Variants in BTBD8 observed in about 807,000 individuals in gnomAD.
BTBD8 encodes the protein BTB/POZ domain-containing protein 8.
A neutral mutation model predicts 162.9 loss-of-function variants in BTBD8; 110 were observed. The ratio of observed to expected loss-of-function variants is 0.68; its 90% CI spans 0.58 to 0.79. The LOEUF (loss-of-function observed/expected upper bound fraction) is 0.79. Among genes scored for constraint, BTBD8 ranks in the 30% least tolerant of loss-of-function variants. BTBD8 has a pLI of 0.00. For synonymous variants in BTBD8, 667 were observed against 716.1 expected, an observed-to-expected ratio of 0.93 and a Z score of 1.10; for missense variants, 1,905 against 2,085.4, an observed-to-expected ratio of 0.91 and a Z score of 1.68.
At chr1:92,148,492 T>C (rs1649977822) in intron 9 of BTBD8, among the ~76,000 whole-genome samples, 1 of 152,216 alleles carries the variant, frequency 6.6e-6, no homozygotes, top group Non-Finnish European at 1.5e-5. Flanking sequence ...TCAGTTACAG[T>C]GCCAACTAGG....
At position 92,171,327 on chromosome 1, in the gene BTBD8, T is replaced by C. The variant is rs1008051390; in HGVS notation, c.1574-72T>C. The stretch of plus-strand genomic sequence containing the variant: ...AAATATAACCTTTTTTCTACTGACA[T>C]ACTATTTTTCCTTTACTTCTAAGGT... On this transcript the variant is annotated intron_variant, in intron 12 of 17. Coordinates refer to ENST00000636805, the MANE Select transcript of BTBD8 (RefSeq NM_001376131.1). 4.5e-6 allele frequency: 5 copies of C among 1,117,328 alleles called. No homozygotes were observed. The East Asian group carries it at 1.1e-4, about 24-fold the overall frequency. 69.2% of individuals were successfully genotyped at this position (1,117,328 alleles called of 1,614,324 possible). A position where few individuals can be genotyped will look rare whatever the true frequency, so the allele number is the denominator to read the frequency against.
chr1:92,156,732 G>A (rs1650165031), intron 9 of BTBD8, among the ~76,000 whole-genome samples: 1 of 151,922 alleles, frequency 6.6e-6, no homozygotes, highest in Non-Finnish European at 1.5e-5. Context: ...GCTTGTAATT[G>A]TTTATAACAG....
intron 2 of BTBD8, among the ~76,000 whole-genome samples, chr1:92,089,378 G>A (rs894005979): frequency 1.3e-5 from 2 of 152,186 alleles, no homozygotes; most frequent in African/African-American, 2.4e-5. Flanking sequence ...CCGTTGCTAC[G>A]TACTCACTCT....
At chr1:92,112,880 T>C (rs975363721) in intron 4 of BTBD8, among the ~76,000 whole-genome samples, 3 of 152,192 alleles carry the variant, frequency 2.0e-5, no homozygotes, top group Non-Finnish European at 4.4e-5. Flanking sequence ...ATAAATACAT[T>C]CTTAGAGCAA....
At chr1:92,182,767 G>A (rs1255823565) in intron 17 of BTBD8, among the ~76,000 whole-genome samples, 172 bp downstream of exon 17, 1 of 151,854 alleles carries the variant, frequency 6.6e-6, no homozygotes, top group East Asian at 1.9e-4. Context: ...ATTCTTTATT[G>A]TTCACTTAAA....
chr1:92,131,103 C>T (rs1649504879), intron 5 of BTBD8, among the ~76,000 whole-genome samples: 1 of 152,136 alleles, frequency 6.6e-6, no homozygotes, highest in Non-Finnish European at 1.5e-5. Flanking sequence ...AAATCACTGA[C>T]CTTGCCAGAA....
intron 3 of BTBD8, among the ~76,000 whole-genome samples, chr1:92,103,125 T>G (rs1026480444): frequency 6.6e-6 from 1 of 152,204 alleles, no homozygotes; most frequent in African/African-American, 2.4e-5. Context: ...TATTGCAAAT[T>G]GATGGAATGA....
At chr1:92,156,250 T>C (rs143446171) in intron 9 of BTBD8, among the ~76,000 whole-genome samples, 1 of 152,330 alleles carries the variant, frequency 6.6e-6, no homozygotes, top group Non-Finnish European at 1.5e-5. Context: ...TAAATCATCC[T>C]TGTATCCTAG....
At position 92,147,683 on chromosome 1, in the gene BTBD8, G is replaced by C. The variant is rs1278864069; in HGVS notation, c.1020-1G>C. 8 of 1,598,078 alleles carry C rather than the reference G, an allele frequency of 5.0e-6. No homozygotes were observed. The highest frequency in any genetic ancestry group is 2.3e-5 in the South Asian group (2 of 87,652). ...AACGTGGTATTCTTTTATTTTAACA[G>C]GTGGATTGTAAAGCATTTTGCAAGG... On this transcript the variant is annotated splice_acceptor_variant, in intron 8 of 17. Coordinates refer to ENST00000636805, the MANE Select transcript of BTBD8 (RefSeq NM_001376131.1). LOFTEE classifies it high-confidence loss of function.
chr1:92,130,587 T>C (rs1649494291), intron 5 of BTBD8, among the ~76,000 whole-genome samples: 2 of 151,832 alleles, frequency 1.3e-5, no homozygotes, highest in African/African-American at 4.8e-5. Context: ...CACACACATA[T>C]ATATACACAC....
chr1:92,151,913 A>T (rs1355682294), intron 9 of BTBD8, among the ~76,000 whole-genome samples: 1 of 152,180 alleles, frequency 6.6e-6, no homozygotes, highest in Admixed American at 6.5e-5. Flanking sequence ...TACATGGTGT[A>T]TATGTACCAC....
chr1:92,122,863 C>T (rs1649254364), intron 4 of BTBD8, among the ~76,000 whole-genome samples: 1 of 152,214 alleles, frequency 6.6e-6, no homozygotes, highest in Non-Finnish European at 1.5e-5. Flanking sequence ...CCACACCCGG[C>T]CAGGGATGTC....
intron 5 of BTBD8, among the ~76,000 whole-genome samples, chr1:92,130,537 T>TATA (rs1300990698): frequency 1.7e-5 from 2 of 117,016 alleles, no homozygotes; most frequent in Non-Finnish European, 3.5e-5. Context: ...TATATATATA[T>TATA]TTACACACAC....
Position 92,132,315 on chromosome 1 carries a change from C to CT in BTBD8, c.752+2551dup, listed in dbSNP as rs34496421. Among the ~76,000 whole-genome samples the CT allele has an allele frequency of 4.4e-3, 626 of 141,802 alleles. 3 individuals are homozygous for CT. The highest frequency in any genetic ancestry group is 0.011 in the Admixed American group (153 of 14,200). The allele number at this position is 141,802 out of a possible 152,430, so 93.0% of individuals were successfully genotyped here. A position where few individuals can be genotyped will look rare whatever the true frequency, so the allele number is the denominator to read the frequency against. ...ATATGAATAAAGGCAAGGGGGTGTCCTTTTTTTTTTTTCAGTCTTCCTTAA... is the reference window on the plus strand; with the variant it reads ...ATATGAATAAAGGCAAGGGGGTGTCCTTTTTTTTTTTTTCAGTCTTCCTTAA... On this transcript the variant is annotated intron_variant, in intron 5 of 17. Coordinates refer to ENST00000636805, the MANE Select transcript of BTBD8 (RefSeq NM_001376131.1).
At chr1:92,148,353 A>G (rs1649973561) in intron 9 of BTBD8, among the ~76,000 whole-genome samples, 1 of 152,226 alleles carries the variant, frequency 6.6e-6, no homozygotes, top group African/African-American at 2.4e-5. Flanking sequence ...ACTTCTGAAT[A>G]AGGTACTCAC....
chr1:92,182,010 G>A lies in BTBD8; in HGVS notation c.4327G>A (p.Asp1443Asn), dbSNP rs1162857309. 15 of 1,551,282 alleles carry A rather than the reference G, an allele frequency of 9.7e-6. No individual in the cohort carries two copies. Among genetic ancestry groups the A allele is most frequent in the Middle Eastern group, 1.7e-4 (1 of 6,010 alleles). Residue 1443 changes from aspartate to asparagine, a missense_variant, in exon 17 of 18, where the codon GAT becomes AAT. Around this residue, in one of 3 missense-constraint regions of BTBD8, gnomAD observed 517 missense variants for 606.6 expected, o/e 0.85. Transcript: ENST00000636805. ...KFKRSVLLSV[D>N]ECEELGSDEG... The stretch of plus-strand genomic sequence containing the variant: ...TAAAAGGTCAGTTTTACTTTCAGTC[G>A]ATGAATGTGAAGAGCTGGGATCAGA...
chr1:92,144,716 T>A (rs1649867168), intron 7 of BTBD8, among the ~76,000 whole-genome samples: 1 of 149,986 alleles, frequency 6.7e-6, no homozygotes, highest in African/African-American at 2.5e-5. Flanking sequence ...GAGGCTGAGG[T>A]GGGAGGATCA....
At position 92,143,160 on chromosome 1, in the gene BTBD8, T is replaced by C. The variant is rs936956551; in HGVS notation, c.930+1949T>C. ...GAAAAAGGGGAGATTTGACATAGTG[T>C]GGTTGAAAGCATTCGTTGGGAAAAT... is the stretch of plus-strand genomic sequence containing the variant. On this transcript the variant is annotated intron_variant, in intron 7 of 17. Coordinates refer to ENST00000636805, the MANE Select transcript of BTBD8 (RefSeq NM_001376131.1). Among the ~76,000 whole-genome samples, 4 of 152,230 alleles carry C rather than the reference T, an allele frequency of 2.6e-5. No homozygotes were observed. The East Asian group carries it at 7.7e-4, about 29-fold the overall frequency.
chr1:92,123,261 T>A (rs745965454), intron 4 of BTBD8, among the ~76,000 whole-genome samples: 9 of 152,372 alleles, frequency 5.9e-5, no homozygotes, highest in Non-Finnish European at 1.2e-4. Flanking sequence ...TTATAGTAAG[T>A]GACATCATGT....
Sources: allele counts gnomAD v4.1 joint callset (sites outside exome capture counted in the v4.1 genomes callset), GRCh38; gene constraint gnomAD v4.1.1; regional missense constraint gnomAD v4.1.1; transcripts MANE v1.5; gene names NCBI Gene and HGNC (gene_info 2026-07-23, HGNC 2026-07-21).